The following RBM20 variants were observed in gnomAD, a reference collection of about 807,000 sequenced individuals.
The protein encoded by RBM20 is RNA-binding protein 20.
RBM20 carries 51 observed loss-of-function variants against 110.1 expected under a neutral mutation model. That is an observed-to-expected ratio of 0.46 (90% confidence interval 0.37 to 0.59). RBM20 has a LOEUF of 0.59. Among genes scored for constraint, RBM20 ranks in the 20% least tolerant of loss-of-function variants. The pLI, the probability that RBM20 is intolerant of heterozygous loss-of-function variation, is 0.00. For synonymous variants in RBM20, 589 were observed against 618.2 expected, an observed-to-expected ratio of 0.95 and a Z score of 0.70; for missense variants, 1,512 against 1,574.9, an observed-to-expected ratio of 0.96 and a Z score of 0.68.
chr10:110,796,046 C>T (rs980544223), intron 5 of RBM20, among the ~76,000 whole-genome samples: 5 of 150,798 alleles, frequency 3.3e-5, no homozygotes, highest in African/African-American at 1.2e-4. Context: ...AACCACTGCC[C>T]TAAACCACAG....
chr10:110,802,943 T>C (rs1280412701), intron 7 of RBM20, among the ~76,000 whole-genome samples: 1 of 152,222 alleles, frequency 6.6e-6, no homozygotes, highest in East Asian at 1.9e-4. Context: ...AGTTTACAGA[T>C]CAGGAAAGGA....
Position 110,644,338 on chromosome 10 carries a change from G to A in RBM20, c.-117G>A, listed in dbSNP as rs558015704. The A allele has an allele frequency of 9.8e-5, 73 of 747,958 alleles. No individual in the cohort carries two copies. In the African/African-American group the frequency reaches 1.2e-3, roughly 13 times the overall value. The allele number at this position is 747,958 out of a possible 1,614,324, so 46.3% of individuals were successfully genotyped here. On this transcript the variant is annotated 5_prime_UTR_variant, in exon 1 of 14. Transcript: ENST00000369519. This position sits in a 1 kb window ranked among gnomAD's most constrained non-coding sequence, Gnocchi z 4.3. ...CCCGCCCCTCGCGTCTCCTCCCCGC[G>A]CCACCGGGAAGGACAAGGGGACTGG...
At chr10:110,699,895 A>G (rs1014877260) in intron 1 of RBM20, among the ~76,000 whole-genome samples, 1 of 152,140 alleles carries the variant, frequency 6.6e-6, no homozygotes, top group African/African-American at 2.4e-5. Context: ...ATCACCGTTT[A>G]TCCTATCATT....
intron 1 of RBM20, among the ~76,000 whole-genome samples, chr10:110,723,554 T>G (rs1373060644): frequency 6.6e-6 from 1 of 152,254 alleles, no homozygotes; most frequent in Admixed American, 6.5e-5. Flanking sequence ...TAACAATGAA[T>G]GAGGATTCCA....
intron 1 of RBM20, among the ~76,000 whole-genome samples, chr10:110,752,920 C>CATATATATATATATATAT (rs760317651): frequency 1.6e-5 from 2 of 125,190 alleles, no homozygotes; most frequent in African/African-American, 6.4e-5. Context: ...TATATTTATA[C>CATATATATATATATATAT]ATATATATAT....
At chr10:110,782,454 T>C (rs1486300980) in intron 2 of RBM20, among the ~76,000 whole-genome samples, 1 of 152,192 alleles carries the variant, frequency 6.6e-6, no homozygotes, top group Non-Finnish European at 1.5e-5. Flanking sequence ...TATGATAGTA[T>C]AATGTCCCCC....
chr10:110,677,050 T>C (rs1862349040), intron 1 of RBM20, among the ~76,000 whole-genome samples: 1 of 152,280 alleles, frequency 6.6e-6, no homozygotes, highest in Middle Eastern at 3.4e-3. Flanking sequence ...ATTATAGTTA[T>C]GGGGGCTGAG....
At chr10:110,729,471 G>A (rs1023919585) in intron 1 of RBM20, among the ~76,000 whole-genome samples, 28 of 152,102 alleles carry the variant, frequency 1.8e-4, no homozygotes, top group African/African-American at 6.5e-4. Context: ...TTGATGCATT[G>A]ATCAACCCAC....
intron 1 of RBM20, among the ~76,000 whole-genome samples, chr10:110,708,471 C>T (rs771438924): frequency 6.6e-6 from 1 of 152,060 alleles, no homozygotes; most frequent in Non-Finnish European, 1.5e-5. Context: ...TGTTTTTAAA[C>T]ATTTTTATCT....
intron 13 of RBM20, among the ~76,000 whole-genome samples, chr10:110,832,195 A>G (rs1845064989): frequency 1.3e-5 from 2 of 152,220 alleles, no homozygotes; most frequent in Non-Finnish European, 2.9e-5. Flanking sequence ...TTAACAGAAG[A>G]CATGGTATAT....
chr10:110,834,810 G>A (rs1177838556), intron 13 of RBM20, among the ~76,000 whole-genome samples: 1 of 152,156 alleles, frequency 6.6e-6, no homozygotes, highest in Non-Finnish European at 1.5e-5. Context: ...TTGCTGCCCT[G>A]TCAGAGAACC....
intron 1 of RBM20, among the ~76,000 whole-genome samples, chr10:110,759,085 C>T (rs1326591949): frequency 6.6e-6 from 1 of 152,250 alleles, no homozygotes; most frequent in Non-Finnish European, 1.5e-5. Context: ...GGCTGACTCA[C>T]AACTCTTGAC....
intron 9 of RBM20, among the ~76,000 whole-genome samples, chr10:110,813,179 G>T (rs1234472029): frequency 2.0e-5 from 3 of 152,162 alleles, no homozygotes; most frequent in Non-Finnish European, 4.4e-5. Context: ...GGAGACTGAG[G>T]CACAGAGAAC....
At chr10:110,801,967 G>A (rs1001667793) in intron 7 of RBM20, among the ~76,000 whole-genome samples, 4 of 152,122 alleles carry the variant, frequency 2.6e-5, no homozygotes, top group African/African-American at 9.7e-5. Flanking sequence ...CAGGTCATCT[G>A]CCCATGCTTT....
chr10:110,725,162 G>C (rs957218825), intron 1 of RBM20, among the ~76,000 whole-genome samples: 2 of 152,220 alleles, frequency 1.3e-5, no homozygotes, highest in African/African-American at 2.4e-5. Flanking sequence ...ATGAGACCAA[G>C]AATGTGCCAG....
intron 1 of RBM20, among the ~76,000 whole-genome samples, chr10:110,773,932 T>C (rs1407070436): frequency 2.6e-5 from 4 of 152,194 alleles, no homozygotes; most frequent in African/African-American, 2.4e-5. Flanking sequence ...GTTAAACTCA[T>C]GTTTAACTAA....
At chr10:110,688,916 C>G (rs545572272) in intron 1 of RBM20, among the ~76,000 whole-genome samples, 1 of 151,680 alleles carries the variant, frequency 6.6e-6, no homozygotes, top group African/African-American at 2.4e-5. Flanking sequence ...ATAATAGCTT[C>G]TCTGTCTTTC....
intron 1 of RBM20, among the ~76,000 whole-genome samples, chr10:110,684,347 T>C (rs550466526): frequency 3.3e-5 from 5 of 152,198 alleles, no homozygotes; most frequent in African/African-American, 9.6e-5. Context: ...TGAGCCAAGA[T>C]TGTGCCATTG....
chr10:110,810,161 C>G (rs919090564), intron 7 of RBM20, among the ~76,000 whole-genome samples: 2 of 152,186 alleles, frequency 1.3e-5, no homozygotes, highest in East Asian at 3.8e-4. Context: ...TCCTTCCTTC[C>G]CCAGCTCAAT....
Sources: gnomAD v4.1 joint callset for allele counts (sites outside exome capture counted in the v4.1 genomes callset) on GRCh38, gnomAD v4.1.1 for gene constraint, Gnocchi (gnomAD v3.1) non-coding constraint, MANE v1.5 for transcripts, NCBI Gene and HGNC (gene_info 2026-07-23, HGNC 2026-07-21) for gene names.